The following ATP2C1 variants were observed in gnomAD, a reference collection of about 807,000 sequenced individuals.
ATP2C1 encodes calcium-transporting ATPase type 2C member 1.
ATP2C1 carries 31 observed loss-of-function variants against 120.5 expected under a neutral mutation model. The ratio of observed to expected loss-of-function variants is 0.26; its 90% CI spans 0.19 to 0.35. The LOEUF (loss-of-function observed/expected upper bound fraction) is 0.35, where lower values mean the gene tolerates loss of function less well. ATP2C1 is among the 10% of genes least tolerant of loss of function. The pLI is 1.00. For missense variants in ATP2C1, 731 were observed against 1,107.5 expected (o/e 0.66, Z 4.83); for synonymous variants, 351 against 358.7 (o/e 0.98, Z 0.24).
intron 12 of ATP2C1, chr3:130,963,194 T>C (rs183141683): frequency 2.6e-5 from 4 of 152,036 alleles, no homozygotes; most frequent in Admixed American, 2.6e-4. Flanking sequence ...AAAGAGTTAA[T>C]TTGGTGGAGT....
At chr3:130,856,371 A>G (rs1350141394) in intron 1 of ATP2C1, 2 of 152,210 alleles carry the variant, frequency 1.3e-5, no homozygotes, top group African/African-American at 4.8e-5. Flanking sequence ...CCCCATTCCA[A>G]AGAAAACTAT....
intron 2 of ATP2C1, among the ~76,000 whole-genome samples, chr3:130,921,237 A>G (rs2058954506): frequency 9.7e-6 from 1 of 103,324 alleles, no homozygotes; most frequent in Non-Finnish European, 2.3e-5. Flanking sequence ...GCCTGCCACC[A>G]CACCTGACTA....
intron 8 of ATP2C1, among the ~76,000 whole-genome samples, chr3:130,949,741 T>G (rs2060291570): frequency 7.2e-6 from 1 of 138,552 alleles, no homozygotes; most frequent in Non-Finnish European, 1.7e-5. Flanking sequence ...ACATAACACT[T>G]GGTTGGTTTG....
At chr3:130,854,498 T>G (rs1305090934) in intron 1 of ATP2C1, among the ~76,000 whole-genome samples, 1 of 152,116 alleles carries the variant, frequency 6.6e-6, no homozygotes, top group Non-Finnish European at 1.5e-5. Context: ...AAGGAATGAG[T>G]GAGACTTGCA....
chr3:130,939,928 A>G (rs1307958668), intron 6 of ATP2C1, among the ~76,000 whole-genome samples: 1 of 152,226 alleles, frequency 6.6e-6, no homozygotes, highest in Non-Finnish European at 1.5e-5. Flanking sequence ...TGCTTACTAC[A>G]GACATGAGGC....
chr3:130,997,994 G>T (rs1408416862), intron 25 of ATP2C1, among the ~76,000 whole-genome samples: 1 of 152,104 alleles, frequency 6.6e-6, no homozygotes, highest in Non-Finnish European at 1.5e-5. Context: ...TGAAAATTTA[G>T]AGAGAAGTTG....
intron 1 of ATP2C1, among the ~76,000 whole-genome samples, chr3:130,883,208 G>T (rs2068841770): frequency 6.6e-6 from 1 of 151,942 alleles, no homozygotes; most frequent in African/African-American, 2.4e-5. Flanking sequence ...TTTCATCTCT[G>T]ATTTTATTTA....
At chr3:130,903,740 C>CCTTTCCTTTCCT (rs2057987581) in intron 2 of ATP2C1, among the ~76,000 whole-genome samples, 2 of 116,466 alleles carry the variant, frequency 1.7e-5, no homozygotes, top group African/African-American at 8.1e-5. Flanking sequence ...TCCTTTCCAT[C>CCTTTCCTTTCCT]TTCTGTATTG....
chr3:130,933,230 C>T (rs1448694128), intron 4 of ATP2C1, among the ~76,000 whole-genome samples: 1 of 151,354 alleles, frequency 6.6e-6, no homozygotes, highest in Non-Finnish European at 1.5e-5. Context: ...AAACAAATAA[C>T]AGTAAATAGT....
At position 130,979,471 on chromosome 3, in the gene ATP2C1, T is replaced by A. The variant is rs181786400; in HGVS notation, c.1741+52T>A. On this transcript the variant is annotated intron_variant, in intron 19 of 27. Coordinates refer to ENST00000510168, the MANE Select transcript of ATP2C1 (RefSeq NM_001378687.1). Reference sequence around the variant, plus strand: ...TTCGATAGTTTTTCTTAAAATACTGTGGTGCATAATTTTGTGAACTATTAG... The same window carrying A: ...TTCGATAGTTTTTCTTAAAATACTGAGGTGCATAATTTTGTGAACTATTAG... 1,884 of 1,560,942 alleles carry A rather than the reference T, an allele frequency of 1.2e-3. 3 individuals are homozygous for A. Among genetic ancestry groups the A allele is most frequent in the Admixed American group, 2.0e-3 (122 of 59,528 alleles).
chr3:130,942,236 G>A (rs1559953785), intron 8 of ATP2C1, among the ~76,000 whole-genome samples: 1 of 152,168 alleles, frequency 6.6e-6, no homozygotes, highest in Admixed American at 6.5e-5. Flanking sequence ...AAACTCTGTT[G>A]GGACATGGTA....
intron 5 of ATP2C1, among the ~76,000 whole-genome samples, chr3:130,936,691 C>T (rs957542755): frequency 1.3e-5 from 2 of 151,892 alleles, no homozygotes; most frequent in African/African-American, 4.8e-5. Flanking sequence ...GTGGTGGGCA[C>T]CTGTAGTCCC....
chr3:130,865,789 A>C (rs1331565694), intron 1 of ATP2C1, among the ~76,000 whole-genome samples: 1 of 152,194 alleles, frequency 6.6e-6, no homozygotes. Context: ...CTGTAAGTCC[A>C]ATTAAACCTC....
At chr3:130,873,967 C>T (rs911715293) in intron 1 of ATP2C1, among the ~76,000 whole-genome samples, 3 of 151,604 alleles carry the variant, frequency 2.0e-5, no homozygotes, top group South Asian at 4.2e-4. Flanking sequence ...AAAATTAGCC[C>T]GGCATGGTGG....
At chr3:130,863,653 A>G (rs750539394) in intron 1 of ATP2C1, among the ~76,000 whole-genome samples, 1 of 152,156 alleles carries the variant, frequency 6.6e-6, no homozygotes, top group African/African-American at 2.4e-5. Flanking sequence ...TAGAATTCCT[A>G]GGTGTTGTGG....
intron 1 of ATP2C1, among the ~76,000 whole-genome samples, chr3:130,864,157 G>C (rs2068097435): frequency 6.6e-6 from 1 of 152,222 alleles, no homozygotes; most frequent in African/African-American, 2.4e-5. Context: ...TCCAGGCTGA[G>C]ATGGTCTCAG....
intron 1 of ATP2C1, among the ~76,000 whole-genome samples, chr3:130,885,029 G>T (rs2068925504): frequency 6.6e-6 from 1 of 151,018 alleles, no homozygotes; most frequent in African/African-American, 2.4e-5. Flanking sequence ...CGCCTCCTGG[G>T]TTCAAGCGAT....
intron 26 of ATP2C1, chr3:131,014,132 A>T (rs757596854): frequency 2.5e-6 from 4 of 1,612,652 alleles, no homozygotes; most frequent in Non-Finnish European, 1.7e-6. Flanking sequence ...TGTTTCCCTC[A>T]TACCAACACT....
chr3:131,010,549 A>T (rs1368447465), intron 26 of ATP2C1, among the ~76,000 whole-genome samples: 4 of 152,180 alleles, frequency 2.6e-5, no homozygotes, highest in Non-Finnish European at 5.9e-5. Context: ...CTTTAAAAAC[A>T]CTACAGAAAA....
Sources: allele counts gnomAD v4.1 joint callset (sites outside exome capture counted in the v4.1 genomes callset), GRCh38; gene constraint gnomAD v4.1.1; transcripts MANE v1.5; gene names NCBI Gene and HGNC (gene_info 2026-07-23, HGNC 2026-07-21).